CLEC16A: variants seen among roughly 807,000 people sequenced by gnomAD.
CLEC16A encodes the protein protein CLEC16A.
In CLEC16A, 51 loss-of-function variants were observed where a neutral mutation model predicts 109.5. The observed-to-expected ratio is 0.47, with a 90% CI of 0.37 to 0.59. The LOEUF is 0.59. Among genes scored for constraint, CLEC16A ranks in the 20% least tolerant of loss-of-function variants. The pLI, the probability that CLEC16A is intolerant of heterozygous loss-of-function variation, is 0.00. For missense variants in CLEC16A, 1,339 were observed against 1,394.0 expected (o/e 0.96, Z 0.63); for synonymous variants, 673 against 564.2 (o/e 1.19, Z -2.73).
intron 19 of CLEC16A, among the ~76,000 whole-genome samples, chr16:11,113,155 CT>C (rs1409789680): frequency 1.3e-5 from 2 of 152,228 alleles, no homozygotes; most frequent in African/African-American, 2.4e-5. Flanking sequence ...GAGCTCTTGG[CT>C]TCACGCCATC....
At chr16:11,013,266 A>G (rs1269135202) in intron 11 of CLEC16A, among the ~76,000 whole-genome samples, 1 of 152,212 alleles carries the variant, frequency 6.6e-6, no homozygotes, top group African/African-American at 2.4e-5. Context: ...TGTGTTTATA[A>G]GCTACTTGGA....
At chr16:11,020,527 T>C (rs1386956718) in intron 12 of CLEC16A, among the ~76,000 whole-genome samples, 1 of 149,574 alleles carries the variant, frequency 6.7e-6, no homozygotes, top group Non-Finnish European at 1.5e-5. Context: ...GCTCACTCCT[T>C]TGCAAAGAGA....
At position 11,178,422 on chromosome 16, in the gene CLEC16A, G is replaced by A. The variant is rs1438370875; in HGVS notation, c.2894G>A (p.Ser965Asn). The change falls in exon 24 of 24, where the codon AGC becomes AAC. Residue 965 changes from serine to asparagine, a missense_variant. Around this residue, in one of 3 missense-constraint regions of CLEC16A, gnomAD observed 1,061 missense variants for 1,006.8 expected, o/e 1.05. Transcript: ENST00000409790. The surrounding 1 kb of genome is among the most constrained non-coding windows in gnomAD (Gnocchi z 6.5). The part of the protein sequence containing the change: ...VNETEADSKP[S>N]KNVARSAAVE... ...GAAACGGAAGCAGACTCTAAGCCCA[G>A]CAAGAACGTGGCCAGGAGCGCAGCC... 1 of 1,613,690 alleles carries A rather than the reference G, an allele frequency of 6.2e-7. No homozygotes were observed.
intron 22 of CLEC16A, among the ~76,000 whole-genome samples, chr16:11,144,600 G>T (rs1034360777): frequency 6.6e-6 from 1 of 152,214 alleles, no homozygotes; most frequent in South Asian, 2.1e-4. Context: ...CCAGCTTGAG[G>T]CCCACGCCTG....
chr16:10,997,172 T>C (rs2044379683), intron 10 of CLEC16A, among the ~76,000 whole-genome samples: 1 of 152,152 alleles, frequency 6.6e-6, no homozygotes, highest in Non-Finnish European at 1.5e-5. Flanking sequence ...ATGCTTCCTG[T>C]GCTCATCTTG....
chr16:11,132,847 A>C (rs959597911), intron 22 of CLEC16A, among the ~76,000 whole-genome samples: 1 of 152,140 alleles, frequency 6.6e-6, no homozygotes, highest in African/African-American at 2.4e-5. Context: ...GGATGGATGC[A>C]TTGGTGGATG....
At chr16:11,085,845 G>A (rs902868255) in intron 19 of CLEC16A, among the ~76,000 whole-genome samples, 3 of 152,178 alleles carry the variant, frequency 2.0e-5, no homozygotes, top group African/African-American at 7.2e-5. Flanking sequence ...TCCCACCTCA[G>A]CCTTCCAGAG....
At chr16:11,137,297 C>G (rs79672130) in intron 22 of CLEC16A, among the ~76,000 whole-genome samples, 1 of 151,696 alleles carries the variant, frequency 6.6e-6, no homozygotes, top group Admixed American at 6.6e-5. Context: ...GGCAGAAAAC[C>G]GAGAAACGAA....
At chr16:11,151,602 C>T (rs981895825) in intron 22 of CLEC16A, among the ~76,000 whole-genome samples, 21 of 152,238 alleles carry the variant, frequency 1.4e-4, no homozygotes, top group African/African-American at 5.1e-4. Flanking sequence ...TGTACTCTTG[C>T]ATCTGTATAG....
intron 19 of CLEC16A, among the ~76,000 whole-genome samples, chr16:11,078,121 C>T (rs1176709238): frequency 1.3e-5 from 2 of 152,130 alleles, no homozygotes; most frequent in East Asian, 3.9e-4. Flanking sequence ...ACAGGGGAAC[C>T]GCTCTAGGGG....
At chr16:11,107,141 C>T (rs1330097091) in intron 19 of CLEC16A, among the ~76,000 whole-genome samples, 1 of 152,216 alleles carries the variant, frequency 6.6e-6, no homozygotes, top group Non-Finnish European at 1.5e-5. Flanking sequence ...TAAAACCAAG[C>T]AGTAGGTCCC....
At chr16:10,963,056 C>G (rs1567509655) in intron 3 of CLEC16A, among the ~76,000 whole-genome samples, 1 of 151,878 alleles carries the variant, frequency 6.6e-6, no homozygotes, top group African/African-American at 2.4e-5. Flanking sequence ...GACCTTGTCT[C>G]CAACAACAAC....
chr16:11,029,821 C>T (rs1446068030), intron 13 of CLEC16A, among the ~76,000 whole-genome samples: 1 of 152,156 alleles, frequency 6.6e-6, no homozygotes, highest in East Asian at 1.9e-4. Flanking sequence ...CCCGTGAAAT[C>T]ATCACCATGA....
At chr16:11,080,425 C>A (rs1299629789) in intron 19 of CLEC16A, among the ~76,000 whole-genome samples, 1 of 152,230 alleles carries the variant, frequency 6.6e-6, no homozygotes. Context: ...AAGCAGCAGA[C>A]AACCTGGGGA....
chr16:11,160,190 A>G (rs1194958871), intron 22 of CLEC16A, among the ~76,000 whole-genome samples: 1 of 152,098 alleles, frequency 6.6e-6, no homozygotes, highest in Non-Finnish European at 1.5e-5. Flanking sequence ...CCAAGTGCAA[A>G]GCGGCACCAA....
At chr16:11,012,193 T>G (rs923376483) in intron 11 of CLEC16A, among the ~76,000 whole-genome samples, 33 of 152,290 alleles carry the variant, frequency 2.2e-4, no homozygotes, top group African/African-American at 7.7e-4. Flanking sequence ...AGGAGTTAAG[T>G]TCATGTGGCA....
intron 3 of CLEC16A, among the ~76,000 whole-genome samples, chr16:10,966,842 T>C (rs1277306763): frequency 6.6e-6 from 1 of 152,204 alleles, no homozygotes; most frequent in Admixed American, 6.5e-5. Flanking sequence ...GTGGGGATTA[T>C]GGGAACTACA....
At chr16:11,014,769 G>T (rs1230599862) in intron 11 of CLEC16A, among the ~76,000 whole-genome samples, 3 of 152,186 alleles carry the variant, frequency 2.0e-5, no homozygotes, top group African/African-American at 7.2e-5. Context: ...TTTCCTTGGT[G>T]GCAGCAGTGT....
At chr16:11,158,808 T>A (rs1161387981) in intron 22 of CLEC16A, among the ~76,000 whole-genome samples, 1 of 152,018 alleles carries the variant, frequency 6.6e-6, no homozygotes, top group African/African-American at 2.4e-5. Context: ...TAGTCCCAGC[T>A]ACTTGGGAGA....
Sources: gnomAD v4.1 joint callset for allele counts (sites outside exome capture counted in the v4.1 genomes callset) on GRCh38, gnomAD v4.1.1 for gene constraint, gnomAD v4.1.1 regional missense constraint, Gnocchi (gnomAD v3.1) non-coding constraint, MANE v1.5 for transcripts, NCBI Gene and HGNC (gene_info 2026-07-23, HGNC 2026-07-21) for gene names.